Variants in BIRC6 observed in about 807,000 individuals in gnomAD.
The protein encoded by BIRC6 is dual E2 ubiquitin-conjugating enzyme/E3 ubiquitin-protein ligase BIRC6.
In BIRC6, 98 loss-of-function variants were observed where a neutral mutation model predicts 503.3. That is an observed-to-expected ratio of 0.19 (90% CI 0.17 to 0.23). BIRC6 has a LOEUF of 0.23. Among genes scored for constraint, BIRC6 ranks in the 10% least tolerant of loss-of-function variants. BIRC6 has a pLI of 1.00. For missense variants in BIRC6, 5,360 were observed against 5,806.0 expected, an observed-to-expected ratio of 0.92 and a Z score of 2.50; for synonymous variants, 2,240 against 2,078.7, an observed-to-expected ratio of 1.08 and a Z score of -2.11.
At chr2:32,412,365 C>A (rs537756420) in intron 9 of BIRC6, among the ~76,000 whole-genome samples, 3 of 151,976 alleles carry the variant, frequency 2.0e-5, no homozygotes, top group East Asian at 1.9e-4. Flanking sequence ...GGCGTGGTGG[C>A]AGGTGCCTGT....
intron 39 of BIRC6, among the ~76,000 whole-genome samples, chr2:32,484,700 A>C (rs1360821005): frequency 1.3e-5 from 2 of 151,878 alleles, no homozygotes; most frequent in African/African-American, 4.8e-5. Context: ...ATAACATAAA[A>C]TTTTTCTTTT....
chr2:32,417,447 T>A lies in BIRC6; in HGVS notation c.2872+1284T>A, dbSNP rs148464889. Among the ~76,000 whole-genome samples, 155 of 152,240 alleles carry A rather than the reference T, an allele frequency of 1.0e-3. 1 individual carries two copies. The East Asian group carries it at 0.028, about 27-fold the overall frequency. Reference sequence around the variant, plus strand: ...GCGTGTGGCATTGTGCCTGGCCTATTTTTTTTACTTATATACATTTTAAGT... The same window carrying A: ...GCGTGTGGCATTGTGCCTGGCCTATATTTTTTACTTATATACATTTTAAGT... On this transcript the variant is annotated intron_variant, in intron 10 of 73. Transcript: ENST00000421745.
intron 2 of BIRC6, chr2:32,379,521 T>C (rs2037323240): frequency 6.6e-6 from 1 of 152,218 alleles, no homozygotes; most frequent in South Asian, 2.1e-4. Context: ...TTTTTTCTCT[T>C]TGTACTTTAA....
At chr2:32,558,236 C>T (rs1213548412) in intron 65 of BIRC6, among the ~76,000 whole-genome samples, 3 of 151,868 alleles carry the variant, frequency 2.0e-5, no homozygotes, top group Admixed American at 6.6e-5. Flanking sequence ...CTGCCATTTA[C>T]GTATTCTGTA....
Position 32,391,817 on chromosome 2 carries a change from T to C in BIRC6, c.840-222T>C, listed in dbSNP as rs186606846. Among the ~76,000 whole-genome samples the C allele has an allele frequency of 1.5e-3, 234 of 152,358 alleles. 1 individual carries two copies. The highest frequency in any genetic ancestry group is 5.4e-3 in the African/African-American group (226 of 41,586). On this transcript the variant is annotated intron_variant, in intron 4 of 73. Transcript: ENST00000421745. ...TATGTAATCTACCCCTGGAGTTGTT[T>C]ATCAACTGCAGCCACCAATCAGGTT...
chr2:32,398,853 T>C (rs1037551608), intron 6 of BIRC6, among the ~76,000 whole-genome samples: 3 of 152,148 alleles, frequency 2.0e-5, no homozygotes, highest in African/African-American at 7.2e-5. Flanking sequence ...TGTCATTTGC[T>C]TGGAAGTGCA....
intron 73 of BIRC6, among the ~76,000 whole-genome samples, chr2:32,612,306 GC>G (rs2062933491): frequency 6.6e-6 from 1 of 152,180 alleles, no homozygotes; most frequent in African/African-American, 2.4e-5. Context: ...AGGGGAGAAA[GC>G]AGTTGTTTTC....
intron 22 of BIRC6, among the ~76,000 whole-genome samples, chr2:32,450,129 T>C (rs2046521338): frequency 6.6e-6 from 1 of 152,190 alleles, no homozygotes; most frequent in Non-Finnish European, 1.5e-5. Context: ...TTCCAAGCTC[T>C]GAGGTCATCA....
intron 73 of BIRC6, among the ~76,000 whole-genome samples, chr2:32,616,324 A>G (rs2063234702): frequency 6.6e-6 from 1 of 152,042 alleles, no homozygotes; most frequent in South Asian, 2.1e-4. Flanking sequence ...TTGGGAGTCC[A>G]AGGCAGGTGG....
intron 1 of BIRC6, among the ~76,000 whole-genome samples, chr2:32,363,451 C>G (rs1345142681): frequency 2.0e-5 from 3 of 151,932 alleles, no homozygotes; most frequent in Non-Finnish European, 4.4e-5. Context: ...TTACCACTTT[C>G]CACCATCCTA....
chr2:32,590,918 T>G (rs2151342592), intron 66 of BIRC6: 1 of 985,846 alleles, frequency 1.0e-6, no homozygotes, highest in East Asian at 1.1e-4. Flanking sequence ...AAAGACCTAC[T>G]TCCAGCTAGG....
At chr2:32,481,165 G>T (rs539639188) in intron 37 of BIRC6, among the ~76,000 whole-genome samples, 155 bp from the exon 38 acceptor site, 4 of 151,380 alleles carry the variant, frequency 2.6e-5, no homozygotes, top group Admixed American at 6.6e-5. Flanking sequence ...TGTTTTTATC[G>T]TGTATTATGG....
chr2:32,411,364 T>C (rs1574020789), intron 9 of BIRC6, among the ~76,000 whole-genome samples: 1 of 150,810 alleles, frequency 6.6e-6, no homozygotes, highest in African/African-American at 2.4e-5. Context: ...TTTATTTCCT[T>C]TTCTCTGTTT....
chr2:32,434,612 C>G (rs993757831), intron 13 of BIRC6, among the ~76,000 whole-genome samples: 1 of 152,092 alleles, frequency 6.6e-6, no homozygotes, highest in Non-Finnish European at 1.5e-5. Flanking sequence ...TTTTGAGAGG[C>G]CAAGGCAGGA....
At chr2:32,538,723 G>A (rs1444898895) in intron 61 of BIRC6, among the ~76,000 whole-genome samples, 1 of 152,218 alleles carries the variant, frequency 6.6e-6, no homozygotes, top group African/African-American at 2.4e-5. Flanking sequence ...CTGAGCTCAG[G>A]AGTTCAAGAC....
chr2:32,506,924 A>G lies in BIRC6; in HGVS notation c.9701-1056A>G, dbSNP rs2053859968. On this transcript the variant is annotated intron_variant, in intron 50 of 73. Transcript: ENST00000421745. ...AATTTAAAAATTAACTTGACTGTCT[A>G]GTAATCAGTGTAAAGCTGGCATGTA... Among the ~76,000 whole-genome samples the G allele has an allele frequency of 2.0e-5, 3 of 152,218 alleles. No individual in the cohort carries two copies. In the South Asian group the frequency reaches 6.2e-4, roughly 31 times the overall value.
At chr2:32,450,582 T>C (rs184808793) in intron 22 of BIRC6, among the ~76,000 whole-genome samples, 98 of 152,294 alleles carry the variant, frequency 6.4e-4, no homozygotes, top group East Asian at 2.5e-3. Flanking sequence ...AAGACAGAAA[T>C]GTAAATGTCA....
intron 15 of BIRC6, among the ~76,000 whole-genome samples, chr2:32,436,665 C>T (rs1020295872): frequency 2.6e-5 from 4 of 151,986 alleles, no homozygotes; most frequent in Admixed American, 6.6e-5. Context: ...CTGAAACCTC[C>T]GCCTCCTAGG....
chr2:32,595,222 A>G, intron 68 of BIRC6, 78 bp downstream of exon 68: 1 of 880,250 alleles, frequency 1.1e-6, no homozygotes, highest in Non-Finnish European at 1.7e-6. Context: ...GTGTTTTAGC[A>G]AATTAAAGAT....
Sources: allele counts gnomAD v4.1 joint callset (sites outside exome capture counted in the v4.1 genomes callset), GRCh38; gene constraint gnomAD v4.1.1; transcripts MANE v1.5; gene names NCBI Gene and HGNC (gene_info 2026-07-23, HGNC 2026-07-21).